Variants in ABCA13 observed in about 807,000 individuals in gnomAD.
ABCA13 encodes ATP binding cassette subfamily A member 13.
Under a neutral mutation model 478.7 loss-of-function variants are expected in ABCA13, and 476 were observed. That is an observed-to-expected ratio of 0.99 (90% CI 0.92 to 1.07). The LOEUF (loss-of-function observed/expected upper bound fraction) is 1.07, where lower values mean the gene tolerates loss of function less well. Ranked by LOEUF, ABCA13 falls within the 50% of genes least tolerant of loss-of-function variation. ABCA13 has a pLI of 0.00. For missense variants in ABCA13, 6,060 were observed against 5,910.6 expected, an observed-to-expected ratio of 1.03 and a Z score of -0.83; for synonymous variants, 2,252 against 2,158.9, an observed-to-expected ratio of 1.04 and a Z score of -1.20.
chr7:48,298,065 G>A (rs866621095), intron 22 of ABCA13, among the ~76,000 whole-genome samples: 8 of 151,716 alleles, frequency 5.3e-5, no homozygotes, highest in Admixed American at 3.3e-4. Context: ...TTACAGGTGT[G>A]AGCCACCACA....
In ABCA13 at chr7:48,487,535, C is replaced by T. The variant is rs79727667; in HGVS notation, c.13183-1701C>T. 7.3e-3 allele frequency among the ~76,000 whole-genome samples: 1,107 copies of T among 151,828 alleles called. 8 individuals are homozygous for T. Among genetic ancestry groups the T allele is most frequent in the Middle Eastern group, 0.017 (5 of 294 alleles). On this transcript the variant is annotated intron_variant, in intron 47 of 61. Transcript: ENST00000435803. ...TAAAACAAAAATTAAAATAATAAAA[C>T]AAATCAAAACAAAATTTAAAAAACC...
chr7:48,435,165 CTTTTTCA>C lies in ABCA13; in HGVS notation c.12565+7299_12565+7305del, dbSNP rs150813622. On this transcript the variant is annotated intron_variant, in intron 42 of 61. Coordinates refer to ENST00000435803, the MANE Select transcript of ABCA13 (RefSeq NM_152701.5). ...AGACTATCCTTCCACCTGTTTGTGT[CTTTTTCA>C]TTTTCTTCAGTAACATTTTGTAGTG... Among the ~76,000 whole-genome samples the C allele has an allele frequency of 6.5e-4, 98 of 151,716 alleles. 2 individuals are homozygous for C. The highest frequency in any genetic ancestry group is 1.0e-3 in the Non-Finnish European group (68 of 67,752).
rs578179811 is a variant in ABCA13, at chr7:48,312,952, G to A, written c.9517-115G>A. 2,065 of 1,152,916 alleles carry A rather than the reference G, an allele frequency of 1.8e-3. 6 individuals are homozygous for A. Among genetic ancestry groups the A allele is most frequent in the Non-Finnish European group, 2.2e-3 (1,885 of 857,388 alleles). 71.4% of individuals were successfully genotyped at this position (1,152,916 alleles called of 1,614,324 possible). A position where few individuals can be genotyped will look rare whatever the true frequency, so the allele number is the denominator to read the frequency against. ...ATAGTACCGCAAAGGCGTCTCTGAAGTTCAAGAGAGAATAAAATCAGATAA... is the reference window on the plus strand; with the variant it reads ...ATAGTACCGCAAAGGCGTCTCTGAAATTCAAGAGAGAATAAAATCAGATAA... On this transcript the variant is annotated intron_variant, in intron 24 of 61. Coordinates refer to ENST00000435803, the MANE Select transcript of ABCA13 (RefSeq NM_152701.5).
At chr7:48,605,829 C>T (rs1382017811) in intron 58 of ABCA13, among the ~76,000 whole-genome samples, 1 of 152,158 alleles carries the variant, frequency 6.6e-6, no homozygotes, top group Non-Finnish European at 1.5e-5. Flanking sequence ...TTCCATTCTC[C>T]CCATCACTTT....
chr7:48,323,361 T>C (rs1482548466), intron 27 of ABCA13, among the ~76,000 whole-genome samples: 2 of 152,158 alleles, frequency 1.3e-5, no homozygotes, highest in Non-Finnish European at 2.9e-5. Flanking sequence ...TTGTACCCAT[T>C]TGAGCCAAAG....
intron 42 of ABCA13, among the ~76,000 whole-genome samples, chr7:48,441,709 T>G (rs1489826352): frequency 6.6e-6 from 1 of 152,158 alleles, no homozygotes; most frequent in Non-Finnish European, 1.5e-5. Flanking sequence ...GCACTTTACA[T>G]GATTTGGATT....
intron 58 of ABCA13, among the ~76,000 whole-genome samples, chr7:48,609,873 C>G (rs535374021): frequency 1.5e-4 from 23 of 152,334 alleles, no homozygotes; most frequent in African/African-American, 5.3e-4. Context: ...GGGAAACCTG[C>G]CCCATGATCA....
intron 55 of ABCA13, among the ~76,000 whole-genome samples, chr7:48,542,596 A>G (rs1834013558): frequency 6.6e-6 from 1 of 151,806 alleles, no homozygotes; most frequent in Non-Finnish European, 1.5e-5. Context: ...AGAAAAAAAC[A>G]CATGCAAGGT....
chr7:48,435,511 T>G (rs1822714048), intron 42 of ABCA13, among the ~76,000 whole-genome samples: 2 of 151,850 alleles, frequency 1.3e-5, no homozygotes, highest in Non-Finnish European at 2.9e-5. Flanking sequence ...TTTTATTTCT[T>G]TTTTTGCCTA....
At chr7:48,610,744 GC>G (rs1791950020) in intron 58 of ABCA13, among the ~76,000 whole-genome samples, 1 of 152,224 alleles carries the variant, frequency 6.6e-6, no homozygotes, top group Admixed American at 6.5e-5. Flanking sequence ...CCATGTGGAA[GC>G]CACCAAGGCT....
intron 3 of ABCA13, among the ~76,000 whole-genome samples, chr7:48,213,552 G>A (rs1005408153): frequency 5.3e-5 from 8 of 152,154 alleles, no homozygotes; most frequent in Admixed American, 3.9e-4. Context: ...GGTTGCTGGA[G>A]GTGGAAGTGG....
intron 20 of ABCA13, among the ~76,000 whole-genome samples, chr7:48,295,267 T>G (rs1799205903): frequency 6.6e-6 from 1 of 152,240 alleles, no homozygotes; most frequent in African/African-American, 2.4e-5. Flanking sequence ...ATTTGCATTT[T>G]CCTGATGATT....
At chr7:48,495,852 T>G (rs1318886313) in intron 48 of ABCA13, among the ~76,000 whole-genome samples, 1 of 152,190 alleles carries the variant, frequency 6.6e-6, no homozygotes, top group Non-Finnish European at 1.5e-5. Flanking sequence ...ATATATGTAG[T>G]GTTCCTCTTT....
chr7:48,455,797 A>G (rs1437138794), intron 43 of ABCA13, among the ~76,000 whole-genome samples: 3 of 152,264 alleles, frequency 2.0e-5, no homozygotes, highest in African/African-American at 4.8e-5. Flanking sequence ...GCTGGGGTCA[A>G]TTGAGCAGGA....
chr7:48,562,066 CT>C (rs1385198980), intron 55 of ABCA13, among the ~76,000 whole-genome samples: 1 of 150,958 alleles, frequency 6.6e-6, no homozygotes, highest in Non-Finnish European at 1.5e-5. Flanking sequence ...AGCTTCCTTC[CT>C]CTGTGAGCCG....
chr7:48,212,252 C>T (rs149877481), intron 3 of ABCA13, among the ~76,000 whole-genome samples: 26 of 152,204 alleles, frequency 1.7e-4, no homozygotes, highest in African/African-American at 6.3e-4. Flanking sequence ...CAAAGATTCA[C>T]ACTTAGTTTG....
intron 1 of ABCA13, among the ~76,000 whole-genome samples, chr7:48,189,231 G>A (rs929093073): frequency 3.3e-5 from 5 of 152,118 alleles, no homozygotes; most frequent in Admixed American, 2.6e-4. Flanking sequence ...TATTTAACAG[G>A]GGTAAGATTC....
At chr7:48,347,366 T>C (rs991704771) in intron 29 of ABCA13, among the ~76,000 whole-genome samples, 7 of 152,306 alleles carry the variant, frequency 4.6e-5, no homozygotes, top group Middle Eastern at 3.4e-3. Flanking sequence ...TCATCCAGGA[T>C]CCTGTCTTCT....
At chr7:48,234,957 C>T (rs17132158) in intron 8 of ABCA13, among the ~76,000 whole-genome samples, 1 of 152,052 alleles carries the variant, frequency 6.6e-6, no homozygotes, top group Non-Finnish European at 1.5e-5. Flanking sequence ...TGTGAGTTCC[C>T]CACAACCTGG....
Sources: allele counts gnomAD v4.1 joint callset (sites outside exome capture counted in the v4.1 genomes callset), GRCh38; gene constraint gnomAD v4.1.1; transcripts MANE v1.5; gene names NCBI Gene and HGNC (gene_info 2026-07-23, HGNC 2026-07-21).